The following SATB1 variants were observed in gnomAD, a reference collection of about 807,000 sequenced individuals.
SATB1 encodes the protein DNA-binding protein SATB1.
A neutral mutation model predicts 86.9 loss-of-function variants in SATB1; 11 were observed. The ratio of observed to expected loss-of-function variants is 0.13; its 90% confidence interval spans 0.08 to 0.21. The LOEUF (loss-of-function observed/expected upper bound fraction) is 0.21, where lower values mean the gene tolerates loss of function less well. SATB1 is among the 10% of genes least tolerant of loss of function. The pLI is 1.00. For synonymous variants in SATB1, 357 were observed against 357.2 expected, an observed-to-expected ratio of 1.00 and a Z score of 0.01; for missense variants, 551 against 937.6, an observed-to-expected ratio of 0.59 and a Z score of 5.39.
chr3:18,380,437 AT>A (rs533979818), intron 8 of SATB1, among the ~76,000 whole-genome samples: 163 of 148,816 alleles, frequency 1.1e-3, no homozygotes, highest in South Asian at 2.5e-3. Context: ...TCTTTGGTTA[AT>A]TTTTTTTTTT....
At chr3:18,417,230 G>T in intron 2 of SATB1, 152 bp from the exon 3 acceptor site, 1 of 668,982 alleles carries the variant, frequency 1.5e-6, no homozygotes. Flanking sequence ...ACAGGCAAAT[G>T]CACACAAATA....
rs375291674 is a variant in SATB1, at chr3:18,349,353, G to A, written c.2109C>T (p.His703=). ...AACCGGAATTGTCCTTCAGTTTGCC[G>A]TGGTGCTTGAGATAGTACCGCTGGT... is the stretch of plus-strand genomic sequence containing the variant. ...FQNQRYYLKH[H]GKLKDNSGLE... Residue 703 remains histidine (H), a synonymous_variant, in exon 11 of 11, where the codon CAC becomes CAT. Transcript: ENST00000338745. This position sits in a 1 kb window ranked among gnomAD's most constrained non-coding sequence, Gnocchi z 5.5. 5.3e-5 allele frequency: 85 copies of A among 1,613,976 alleles called. 2 individuals carry two copies. The highest frequency in any genetic ancestry group is 2.7e-4 in the East Asian group (12 of 44,886).
At chr3:18,354,634 T>C (rs1245702917) in intron 9 of SATB1, among the ~76,000 whole-genome samples, 1 of 152,136 alleles carries the variant, frequency 6.6e-6, no homozygotes, top group African/African-American at 2.4e-5. Context: ...TGGAGAGAGC[T>C]GAAAAACTCC....
chr3:18,435,434 G>A (rs543854562), intron 2 of SATB1, among the ~76,000 whole-genome samples: 24 of 152,062 alleles, frequency 1.6e-4, no homozygotes, highest in African/African-American at 5.1e-4. Flanking sequence ...TTTAATACCC[G>A]GCTCCTTTTG....
chr3:18,365,344 T>C (rs1043517706), intron 9 of SATB1, among the ~76,000 whole-genome samples: 9 of 151,760 alleles, frequency 5.9e-5, no homozygotes, highest in South Asian at 4.2e-4. Context: ...AACAAGTTTT[T>C]CCAAAGACAC....
chr3:18,440,309 T>C (rs1699205076), upstream of SATB1, among the ~76,000 whole-genome samples: 1 of 152,162 alleles, frequency 6.6e-6, no homozygotes, highest in Non-Finnish European at 1.5e-5. Flanking sequence ...GGTTCTCACA[T>C]GACAGAAATG....
chr3:18,407,145 A>G (rs1483452012), intron 5 of SATB1, among the ~76,000 whole-genome samples: 1 of 151,980 alleles, frequency 6.6e-6, no homozygotes, highest in African/African-American at 2.4e-5. Context: ...GGAAAAGCTC[A>G]CCTCTTGGTA....
intron 3 of SATB1, 37 bp downstream of exon 3, chr3:18,416,865 T>C (rs1306372579): frequency 6.5e-7 from 1 of 1,548,404 alleles, no homozygotes. Context: ...CAAAGAATGC[T>C]AAGCAATTTT....
chr3:18,445,474 G>A (rs564881917), intron 1 of SATB1: 11 of 985,128 alleles, frequency 1.1e-5, no homozygotes, highest in East Asian at 1.1e-4. Context: ...TGCGCTTGGG[G>A]TGCGCGGCGC....
At chr3:18,435,348 C>G (rs1699023397) in intron 2 of SATB1, 1 of 152,120 alleles carries the variant, frequency 6.6e-6, no homozygotes, top group African/African-American at 2.4e-5. Context: ...AAACTAATCT[C>G]TATGTGTCAT....
chr3:18,382,608 G>A (rs1044435427), intron 8 of SATB1, among the ~76,000 whole-genome samples: 11 of 152,296 alleles, frequency 7.2e-5, no homozygotes, highest in Middle Eastern at 3.4e-3. Context: ...AGGAAGCTGG[G>A]AGGACTGGGT....
At chr3:18,406,895 T>A (rs887918840) in intron 5 of SATB1, among the ~76,000 whole-genome samples, 2 of 152,032 alleles carry the variant, frequency 1.3e-5, no homozygotes, top group African/African-American at 4.8e-5. Context: ...GAAATAAACA[T>A]GTGCAAATCC....
Position 18,417,082 on chromosome 3 carries a change from T to A in SATB1, c.212-4A>T, listed in dbSNP as rs775214383. 1 of 1,610,204 alleles carries A rather than the reference T, an allele frequency of 6.2e-7. No individual in the cohort carries two copies. Among genetic ancestry groups the A allele is most frequent in the South Asian group, 1.1e-5 (1 of 90,308 alleles). On this transcript the variant is annotated splice_polypyrimidine_tract_variant and splice_region_variant and intron_variant, in intron 2 of 10. Transcript: ENST00000338745. The stretch of plus-strand genomic sequence containing the variant: ...CAGAAAACTGGCAGCATGGTTCCTA[T>A]CAAAAAGATGAAGAAGAAGAGATGG...
chr3:18,392,249 A>T (rs1696715351), intron 7 of SATB1, among the ~76,000 whole-genome samples: 1 of 152,120 alleles, frequency 6.6e-6, no homozygotes, highest in Non-Finnish European at 1.5e-5. Flanking sequence ...TACCTTTTTC[A>T]AAGAGATTAA....
upstream of SATB1, among the ~76,000 whole-genome samples, chr3:18,428,774 C>G (rs1698795259): frequency 1.3e-5 from 2 of 152,158 alleles, no homozygotes; most frequent in African/African-American, 4.8e-5. Flanking sequence ...TTTTTAAAAA[C>G]TTAATGAAAG....
At chr3:18,417,463 A>C (rs748277740) in intron 2 of SATB1, 12 of 588,530 alleles carry the variant, frequency 2.0e-5, no homozygotes, top group Non-Finnish European at 3.3e-5. Context: ...CTCACCATTT[A>C]TCTTCAGAAG....
At chr3:18,411,462 T>C (rs1475607631) in intron 5 of SATB1, among the ~76,000 whole-genome samples, 4 of 152,124 alleles carry the variant, frequency 2.6e-5, no homozygotes, top group Non-Finnish European at 5.9e-5. Flanking sequence ...AGAATGTATA[T>C]ACATTTATCT....
chr3:18,373,010 T>C (rs1559409489), intron 9 of SATB1, among the ~76,000 whole-genome samples: 1 of 152,210 alleles, frequency 6.6e-6, no homozygotes, highest in East Asian at 1.9e-4. Flanking sequence ...CTGTCTTACT[T>C]GTCTTCTTGT....
At chr3:18,404,704 C>T (rs1276804891) in intron 5 of SATB1, among the ~76,000 whole-genome samples, 1 of 151,972 alleles carries the variant, frequency 6.6e-6, no homozygotes, top group Non-Finnish European at 1.5e-5. Flanking sequence ...AAATAACTTA[C>T]ATAATGCCCA....
Sources: gnomAD v4.1 joint callset for allele counts (sites outside exome capture counted in the v4.1 genomes callset) on GRCh38, gnomAD v4.1.1 for gene constraint, Gnocchi (gnomAD v3.1) non-coding constraint, MANE v1.5 for transcripts, NCBI Gene and HGNC (gene_info 2026-07-23, HGNC 2026-07-21) for gene names.